RANBP17: variants seen among roughly 807,000 people sequenced by gnomAD.
The protein encoded by RANBP17 is ran-binding protein 17.
Under a neutral mutation model 141.2 loss-of-function variants are expected in RANBP17, and 158 were observed. The ratio of observed to expected loss-of-function variants is 1.12; its 90% CI spans 0.98 to 1.28. RANBP17 has a LOEUF of 1.28. RANBP17 is among the 50% of genes most tolerant of loss of function. The pLI, the probability that RANBP17 is intolerant of heterozygous loss-of-function variation, is 0.00. For missense variants in RANBP17, 1,438 were observed against 1,290.7 expected (o/e 1.11, Z -1.75); for synonymous variants, 430 against 450.0 (o/e 0.96, Z 0.56).
chr5:171,231,241 G>A (rs1476965175), intron 22 of RANBP17, among the ~76,000 whole-genome samples: 1 of 151,330 alleles, frequency 6.6e-6, no homozygotes, highest in African/African-American at 2.4e-5. Flanking sequence ...GAGCCACCAC[G>A]CCTGGCCAGA....
intron 12 of RANBP17, among the ~76,000 whole-genome samples, chr5:170,930,107 A>G (rs1444896124): frequency 2.0e-5 from 3 of 151,840 alleles, no homozygotes; most frequent in Non-Finnish European, 2.9e-5. Flanking sequence ...TTAGAGAACT[A>G]TTTTTAGTTT....
At chr5:170,891,886 T>C (rs1262500329) in intron 3 of RANBP17, among the ~76,000 whole-genome samples, 1 of 152,188 alleles carries the variant, frequency 6.6e-6, no homozygotes, top group Non-Finnish European at 1.5e-5. Context: ...TTTTGGTAGA[T>C]AAAATCATGC....
chr5:171,223,135 C>G (rs1763675159), intron 22 of RANBP17, among the ~76,000 whole-genome samples: 1 of 152,068 alleles, frequency 6.6e-6, no homozygotes, highest in Non-Finnish European at 1.5e-5. Flanking sequence ...TTCTGGGGAT[C>G]TGAGCTGTAT....
At chr5:171,188,535 T>G (rs1415313783) in intron 18 of RANBP17, among the ~76,000 whole-genome samples, 1 of 152,218 alleles carries the variant, frequency 6.6e-6, no homozygotes, top group Non-Finnish European at 1.5e-5. Context: ...GAAACATTTG[T>G]CTGGACTTAA....
intron 1 of RANBP17, 125 bp from the exon 2 acceptor site, chr5:170,877,972 A>C: frequency 3.5e-6 from 2 of 565,288 alleles, no homozygotes; most frequent in Non-Finnish European, 5.7e-6. Flanking sequence ...AAGTAGTTGT[A>C]TATCGATAAA....
intron 1 of RANBP17, among the ~76,000 whole-genome samples, chr5:170,863,901 T>A (rs28624647): frequency 6.6e-6 from 1 of 152,024 alleles, no homozygotes; most frequent in South Asian, 2.1e-4. Context: ...AAAAGCGGAG[T>A]TGGACAAATA....
intron 16 of RANBP17, among the ~76,000 whole-genome samples, chr5:171,177,622 A>G (rs1029585283): frequency 5.9e-5 from 9 of 152,134 alleles, no homozygotes; most frequent in African/African-American, 9.7e-5. Context: ...GGTTTATTCA[A>G]TTTTTCAGTC....
chr5:170,891,776 A>G (rs1769633737), intron 3 of RANBP17, among the ~76,000 whole-genome samples: 1 of 152,188 alleles, frequency 6.6e-6, no homozygotes, highest in Non-Finnish European at 1.5e-5. Flanking sequence ...ATCACCTCCC[A>G]ACAGGTCCCT....
chr5:171,014,041 C>G (rs1780260756), intron 14 of RANBP17, among the ~76,000 whole-genome samples: 1 of 151,952 alleles, frequency 6.6e-6, no homozygotes. Context: ...ATTTTTATAT[C>G]CTTGATGAAT....
intron 12 of RANBP17, among the ~76,000 whole-genome samples, chr5:170,934,910 G>T (rs1773728198): frequency 6.6e-6 from 1 of 152,164 alleles, no homozygotes. Flanking sequence ...TTTCCAACTT[G>T]GTTCCATTCT....
At chr5:171,024,166 A>G (rs1781078034) in intron 14 of RANBP17, among the ~76,000 whole-genome samples, 1 of 152,180 alleles carries the variant, frequency 6.6e-6, no homozygotes, top group African/African-American at 2.4e-5. Context: ...ATAACTGCAA[A>G]TCAAAAAGGT....
chr5:171,122,370 T>C (rs984762131), intron 14 of RANBP17, among the ~76,000 whole-genome samples: 27 of 152,274 alleles, frequency 1.8e-4, no homozygotes, highest in African/African-American at 6.0e-4. Flanking sequence ...AGTTTGAAAG[T>C]GTGCTTTGGG....
chr5:171,267,640 C>G (rs957423674), intron 25 of RANBP17, among the ~76,000 whole-genome samples: 1 of 151,986 alleles, frequency 6.6e-6, no homozygotes, highest in Non-Finnish European at 1.5e-5. Flanking sequence ...AACCCTGTCT[C>G]TACTAAAAAT....
At chr5:171,184,022 A>C (rs1028634342) in intron 18 of RANBP17, among the ~76,000 whole-genome samples, 2 of 152,230 alleles carry the variant, frequency 1.3e-5, no homozygotes, top group Admixed American at 1.3e-4. Context: ...GGCTTAAGTG[A>C]AATTCTTCAA....
At chr5:171,091,725 A>C (rs745429028) in intron 14 of RANBP17, among the ~76,000 whole-genome samples, 7 of 152,136 alleles carry the variant, frequency 4.6e-5, no homozygotes, top group Admixed American at 1.3e-4. Flanking sequence ...AAGTCTCATG[A>C]GATCTGATGG....
intron 5 of RANBP17, among the ~76,000 whole-genome samples, chr5:170,899,965 G>T (rs904277269): frequency 6.6e-6 from 1 of 152,128 alleles, no homozygotes; most frequent in South Asian, 2.1e-4. Context: ...AGGTTTAATG[G>T]CCTGAAATTT....
intron 25 of RANBP17, among the ~76,000 whole-genome samples, chr5:171,281,220 G>C (rs1767842050): frequency 6.6e-6 from 1 of 152,150 alleles, no homozygotes; most frequent in African/African-American, 2.4e-5. Flanking sequence ...GCTTCGTTGA[G>C]ATCCTGTAAA....
chr5:171,102,893 C>T (rs1199464330), intron 14 of RANBP17, among the ~76,000 whole-genome samples: 1 of 152,132 alleles, frequency 6.6e-6, no homozygotes, highest in Non-Finnish European at 1.5e-5. Flanking sequence ...TGGGGGCCCA[C>T]ACCAGACCCT....
intron 1 of RANBP17, among the ~76,000 whole-genome samples, chr5:170,867,864 C>T (rs567991911): frequency 6.6e-5 from 10 of 152,226 alleles, no homozygotes; most frequent in African/African-American, 2.4e-4. Context: ...TATCCATCCC[C>T]CCAAAAGTTT....
Sources: gnomAD v4.1 joint callset for allele counts (sites outside exome capture counted in the v4.1 genomes callset) on GRCh38, gnomAD v4.1.1 for gene constraint, MANE v1.5 for transcripts, NCBI Gene and HGNC (gene_info 2026-07-23, HGNC 2026-07-21) for gene names.